Variants in MAOA observed in about 807,000 individuals in gnomAD.
MAOA encodes the protein amine oxidase [flavin-containing] A.
MAOA carries 6 observed loss-of-function variants against 42.0 expected under a neutral mutation model. That is an observed-to-expected ratio of 0.14 (90% CI 0.08 to 0.28). The LOEUF (loss-of-function observed/expected upper bound fraction) is 0.28. Among genes scored for constraint, MAOA ranks in the 10% least tolerant of loss-of-function variants. MAOA has a pLI of 1.00. For missense variants in MAOA, 262 were observed against 422.3 expected, an observed-to-expected ratio of 0.62 and a Z score of 3.33; for synonymous variants, 140 against 154.0, an observed-to-expected ratio of 0.91 and a Z score of 0.67.
In MAOA at chrX:43,733,478, G is replaced by C. The variant is rs191258947; in HGVS notation, c.1052+683G>C. On this transcript the variant is annotated intron_variant, in intron 9 of 14. Transcript: ENST00000338702. ...CACATAGCTGTCCTACTCGTTGGGGGCTGGGGAGTCCAGAGAAGGAAGTGG... is the reference window on the plus strand; with the variant it reads ...CACATAGCTGTCCTACTCGTTGGGGCCTGGGGAGTCCAGAGAAGGAAGTGG... 7.2e-5 allele frequency among the ~76,000 whole-genome samples: 8 copies of C among 111,766 alleles called. No homozygotes were observed. In the East Asian group the frequency reaches 2.3e-3, roughly 32 times the overall value.
In MAOA at chrX:43,728,175, C is replaced by A; in HGVS notation, c.506C>A (p.Thr169Asn). The A allele has an allele frequency of 8.3e-7, 1 of 1,210,421 alleles. No homozygotes were observed. The highest frequency in any genetic ancestry group is 1.7e-5 in the African/African-American group (1 of 57,741). ...TTCCACTTTTGTTCTATGAACAGGA[C>A]TGCTAGGCGGTTTGCTTATCTTTTT... ...ELIDKICWTK[T>N]ARRFAYLFVN... Residue 169 changes from threonine (T) to asparagine (N), a missense_variant and splice_region_variant, in exon 6 of 15, where the codon ACT becomes AAT. Coordinates refer to ENST00000338702, the MANE Select transcript of MAOA (RefSeq NM_000240.4).
At chrX:43,676,341 G>A (rs375487147) in intron 1 of MAOA, among the ~76,000 whole-genome samples, 12 of 111,729 alleles carry the variant, frequency 1.1e-4, no homozygotes, top group Admixed American at 2.9e-4. Flanking sequence ...TCCAGGTGCC[G>A]TCTGTCACCC....
intron 9 of MAOA, 28 bp downstream of exon 9, chrX:43,732,823 T>A: frequency 9.6e-7 from 1 of 1,043,969 alleles, no homozygotes; most frequent in Non-Finnish European, 1.3e-6. Context: ...GTTCTGCATT[T>A]TCCAAATTGT....
At chrX:43,696,757 A>C (rs2033583075) in intron 3 of MAOA, among the ~76,000 whole-genome samples, 1 of 111,905 alleles carries the variant, frequency 8.9e-6, no homozygotes, top group Non-Finnish European at 1.9e-5. Context: ...AAAAAGAAAA[A>C]GAATAAAAAA....
chrX:43,715,803 T>G (rs1212919404), intron 5 of MAOA, among the ~76,000 whole-genome samples: 2 of 108,310 alleles, frequency 1.8e-5, no homozygotes, highest in Admixed American at 2.0e-4. Context: ...GATACTGTGT[T>G]TGTAGGGGGA....
intron 3 of MAOA, among the ~76,000 whole-genome samples, chrX:43,704,809 A>T (rs1409375212): frequency 2.7e-5 from 3 of 112,022 alleles, no homozygotes; most frequent in African/African-American, 9.7e-5. Context: ...TATTTCTAAT[A>T]CAGTAGCAAT....
intron 9 of MAOA, among the ~76,000 whole-genome samples, chrX:43,735,582 G>A (rs1321777462): frequency 8.9e-6 from 1 of 112,490 alleles, no homozygotes; most frequent in African/African-American, 3.2e-5. Flanking sequence ...ACTACCTATG[G>A]CAGAAGGATT....
intron 3 of MAOA, among the ~76,000 whole-genome samples, chrX:43,704,505 A>G (rs1307495790): frequency 9.0e-6 from 1 of 111,453 alleles, no homozygotes; most frequent in Non-Finnish European, 1.9e-5. Context: ...AATAAAGGCC[A>G]TCTACAAAAA....
intron 5 of MAOA, among the ~76,000 whole-genome samples, chrX:43,716,439 G>C (rs756908386): frequency 5.4e-5 from 6 of 112,017 alleles, no homozygotes; most frequent in Non-Finnish European, 1.1e-4. Context: ...AGAAAGACAA[G>C]GCAGAGTGGA....
At chrX:43,668,933 C>T (rs909359432) in intron 1 of MAOA, among the ~76,000 whole-genome samples, 1 of 110,931 alleles carries the variant, frequency 9.0e-6, no homozygotes, top group Admixed American at 9.6e-5. Context: ...ATACTATTTC[C>T]TTTTATCAAA....
intron 5 of MAOA, among the ~76,000 whole-genome samples, chrX:43,717,676 G>C (rs2033755165): frequency 9.0e-6 from 1 of 110,950 alleles, no homozygotes; most frequent in South Asian, 3.9e-4. Flanking sequence ...GGGGTTGTGG[G>C]GGTCATGGTA....
intron 3 of MAOA, among the ~76,000 whole-genome samples, chrX:43,701,313 C>G (rs2033623679): frequency 9.0e-6 from 1 of 111,261 alleles, no homozygotes; most frequent in Non-Finnish European, 1.9e-5. Context: ...TATAAACTCT[C>G]AGGATTACAT....
intron 9 of MAOA, among the ~76,000 whole-genome samples, chrX:43,735,485 G>A (rs1269928095): frequency 2.7e-5 from 3 of 111,982 alleles, no homozygotes; most frequent in African/African-American, 9.7e-5. Context: ...CTTTATTTGG[G>A]GACTATATTA....
At chrX:43,721,239 G>A (rs933275009) in intron 5 of MAOA, among the ~76,000 whole-genome samples, 6 of 111,425 alleles carry the variant, frequency 5.4e-5, no homozygotes, top group African/African-American at 2.0e-4. Context: ...AGGCATAGAG[G>A]ACAGGGACAA....
intron 12 of MAOA, 128 bp downstream of exon 12, chrX:43,742,175 T>C (rs2033965324): frequency 2.8e-6 from 3 of 1,075,081 alleles, no homozygotes; most frequent in Non-Finnish European, 3.8e-6. Context: ...ATAATACTTG[T>C]ATATTTCTGG....
intron 1 of MAOA, among the ~76,000 whole-genome samples, chrX:43,657,347 T>G (rs944745120): frequency 9.4e-6 from 1 of 106,548 alleles, no homozygotes; most frequent in African/African-American, 3.4e-5. Flanking sequence ...GGACATTTAT[T>G]GTCCAAAGAG....
intron 3 of MAOA, among the ~76,000 whole-genome samples, chrX:43,703,060 T>TA (rs373351829): frequency 1.1e-3 from 121 of 107,926 alleles, no homozygotes; most frequent in South Asian, 2.4e-3. Context: ...ATCTGTAGAT[T>TA]AAAAAAAAAA....
intron 1 of MAOA, among the ~76,000 whole-genome samples, chrX:43,680,539 C>T (rs887658838): frequency 1.8e-5 from 2 of 110,693 alleles, no homozygotes; most frequent in African/African-American, 6.6e-5. Context: ...TCCTTCTCCC[C>T]TCTCCTCCCC....
At chrX:43,737,996 T>C (rs1021797651) in intron 10 of MAOA, among the ~76,000 whole-genome samples, 11 of 112,215 alleles carry the variant, frequency 9.8e-5, no homozygotes, top group African/African-American at 3.2e-4. Context: ...AATATGTCAT[T>C]GACAAAAACA....
Sources: gnomAD v4.1 joint callset for allele counts (sites outside exome capture counted in the v4.1 genomes callset) on GRCh38, gnomAD v4.1.1 for gene constraint, MANE v1.5 for transcripts, NCBI Gene and HGNC (gene_info 2026-07-23, HGNC 2026-07-21) for gene names.